The following RGS6 variants were observed in gnomAD, a reference collection of about 807,000 sequenced individuals.
RGS6 encodes regulator of G-protein signaling 6.
In RGS6, 30 loss-of-function variants were observed where a neutral mutation model predicts 78.5. The observed-to-expected ratio is 0.38, with a 90% CI of 0.29 to 0.52. The LOEUF is 0.52. RGS6 is among the 20% of genes least tolerant of loss of function. The pLI is 0.85. For missense variants in RGS6, 495 were observed against 609.7 expected, an observed-to-expected ratio of 0.81 and a Z score of 1.98; for synonymous variants, 206 against 206.0, an observed-to-expected ratio of 1.00 and a Z score of 0.00.
chr14:72,460,232 C>G (rs1411091577), intron 6 of RGS6, among the ~76,000 whole-genome samples: 1 of 152,156 alleles, frequency 6.6e-6, no homozygotes, highest in East Asian at 1.9e-4. Context: ...AGACAGGGAC[C>G]TACAAGACTT....
chr14:71,880,887 A>T, the RGS6 span, among the ~76,000 whole-genome samples: 1 of 152,320 alleles, frequency 6.6e-6, no homozygotes, highest in South Asian at 2.1e-4. Context: ...TAGATCCACC[A>T]ACAGCTTGCA....
intron 2 of RGS6, among the ~76,000 whole-genome samples, chr14:72,077,412 G>T (rs7149654): frequency 6.6e-6 from 1 of 151,718 alleles, no homozygotes. Context: ...GTTTTTTTTC[G>T]TTCCTTCATA....
the RGS6 span, among the ~76,000 whole-genome samples, chr14:72,599,582 T>TC: frequency 6.9e-6 from 1 of 144,586 alleles, no homozygotes; most frequent in Non-Finnish European, 1.5e-5. Context: ...CTAATTTTTT[T>TC]TTTTTTTTTT....
intron 2 of RGS6, among the ~76,000 whole-genome samples, chr14:72,017,074 C>T (rs1413073186): frequency 1.3e-5 from 2 of 151,906 alleles, no homozygotes; most frequent in African/African-American, 2.4e-5. Context: ...ATAAGATCTC[C>T]CAGGCTGGAG....
intron 2 of RGS6, among the ~76,000 whole-genome samples, chr14:72,079,376 C>T (rs921544699): frequency 2.6e-5 from 4 of 152,022 alleles, no homozygotes; most frequent in Non-Finnish European, 5.9e-5. Flanking sequence ...AAAGATATTG[C>T]TCAGCACTAT....
the RGS6 span, among the ~76,000 whole-genome samples, chr14:72,611,889 C>T: frequency 3.3e-5 from 5 of 152,126 alleles, no homozygotes; most frequent in South Asian, 2.1e-4. Context: ...CCTACATATA[C>T]TTACACCTTC....
At chr14:71,959,078 T>A (rs1380831686) in intron 1 of RGS6, among the ~76,000 whole-genome samples, 1 of 152,172 alleles carries the variant, frequency 6.6e-6, no homozygotes, top group African/African-American at 2.4e-5. Context: ...AAGATCTTGG[T>A]GCATTACCTG....
At chr14:71,969,878 C>G (rs1481060349) in intron 2 of RGS6, among the ~76,000 whole-genome samples, 2 of 152,150 alleles carry the variant, frequency 1.3e-5, no homozygotes, top group Non-Finnish European at 2.9e-5. Context: ...AATTAGTACA[C>G]TTCCCTGATA....
intron 17 of RGS6, chr14:72,541,562 C>T: frequency 1.3e-6 from 2 of 1,535,670 alleles, no homozygotes; most frequent in Non-Finnish European, 1.7e-6. Context: ...GAAGCTGCCA[C>T]GGGCTGTCAG....
At chr14:72,135,373 G>A (rs1191563299) in intron 2 of RGS6, among the ~76,000 whole-genome samples, 1 of 152,110 alleles carries the variant, frequency 6.6e-6, no homozygotes, top group Non-Finnish European at 1.5e-5. Context: ...CCATTGTGGG[G>A]CTCCCCTAAA....
At chr14:72,312,391 G>A (rs2068862919) in intron 2 of RGS6, among the ~76,000 whole-genome samples, 1 of 152,088 alleles carries the variant, frequency 6.6e-6, no homozygotes, top group Non-Finnish European at 1.5e-5. Context: ...GCTATGAAGT[G>A]GCTAAAGAAG....
chr14:71,978,657 C>T (rs943974448), intron 2 of RGS6, among the ~76,000 whole-genome samples: 2 of 149,242 alleles, frequency 1.3e-5, no homozygotes, highest in Admixed American at 6.7e-5. Context: ...CTGCTGGATT[C>T]GTTTTGCCAG....
At chr14:72,051,512 G>A (rs2093240290) in intron 2 of RGS6, among the ~76,000 whole-genome samples, 2 of 152,096 alleles carry the variant, frequency 1.3e-5, no homozygotes, top group South Asian at 4.1e-4. Flanking sequence ...ATAGCCAATG[G>A]TATAATTTAA....
intron 3 of RGS6, among the ~76,000 whole-genome samples, chr14:72,382,004 G>GAT (rs2086265465): frequency 6.6e-6 from 1 of 151,868 alleles, no homozygotes; most frequent in Non-Finnish European, 1.5e-5. Context: ...GGGAAAACTG[G>GAT]ATATCCAGAT....
intron 17 of RGS6, among the ~76,000 whole-genome samples, chr14:72,550,841 G>C (rs979238252): frequency 2.0e-5 from 3 of 151,692 alleles, no homozygotes; most frequent in African/African-American, 4.8e-5. Context: ...TTTGGTTTTT[G>C]GGGGGGTGTT....
the RGS6 span, among the ~76,000 whole-genome samples, chr14:71,906,285 C>T: frequency 6.6e-6 from 1 of 152,218 alleles, no homozygotes; most frequent in Non-Finnish European, 1.5e-5. Context: ...TGAATGCTGT[C>T]CCTCTAGAAA....
At chr14:72,061,352 C>G (rs1259059884) in intron 2 of RGS6, among the ~76,000 whole-genome samples, 4 of 152,116 alleles carry the variant, frequency 2.6e-5, no homozygotes, top group Non-Finnish European at 5.9e-5. Context: ...GTAACCTAAC[C>G]TATTCTGATT....
intron 2 of RGS6, among the ~76,000 whole-genome samples, chr14:72,135,005 C>T (rs2096408374): frequency 6.6e-6 from 1 of 152,212 alleles, no homozygotes; most frequent in Non-Finnish European, 1.5e-5. Flanking sequence ...AAAGACTCAT[C>T]CAGAAATAAA....
chr14:72,535,357 C>A (rs2097235937), intron 15 of RGS6, among the ~76,000 whole-genome samples: 1 of 152,212 alleles, frequency 6.6e-6, no homozygotes, highest in African/African-American at 2.4e-5. Context: ...AATGCACAAA[C>A]TGACCCAATT....
Sources: allele counts gnomAD v4.1 joint callset (sites outside exome capture counted in the v4.1 genomes callset), GRCh38; gene constraint gnomAD v4.1.1; transcripts MANE v1.5; gene names NCBI Gene and HGNC (gene_info 2026-07-23, HGNC 2026-07-21).